Variants in GPNMB observed in about 807,000 individuals in gnomAD.
GPNMB encodes glycoprotein nmb.
Under a neutral mutation model 57.3 loss-of-function variants are expected in GPNMB, and 71 were observed. The observed-to-expected ratio is 1.24, with a 90% CI of 1.02 to 1.51. The LOEUF (loss-of-function observed/expected upper bound fraction) is 1.51. Among genes scored for constraint, GPNMB ranks in the 40% most tolerant of loss-of-function variants. The pLI, the probability that GPNMB is intolerant of heterozygous loss-of-function variation, is 0.00. For missense variants in GPNMB, 677 were observed against 691.9 expected, an observed-to-expected ratio of 0.98 and a Z score of 0.24; for synonymous variants, 253 against 263.2, an observed-to-expected ratio of 0.96 and a Z score of 0.38.
Position 23,253,375 on chromosome 7 carries a change from T to C in GPNMB, c.139T>C (p.Trp47Arg). The C allele has an allele frequency of 6.2e-7, 1 of 1,613,886 alleles. No homozygotes were observed. Among genetic ancestry groups the C allele is most frequent in the Non-Finnish European group, 8.5e-7 (1 of 1,179,736 alleles). The part of the protein sequence containing the change: ...YMREHNQLNG[W>R]SSDENDWNEK... Reference sequence around the variant, plus strand: ...GAGGGAGCACAATCAATTAAATGGCTGGTCTTCTGATGAAAATGACTGGAA... The same window carrying C: ...GAGGGAGCACAATCAATTAAATGGCCGGTCTTCTGATGAAAATGACTGGAA... Residue 47 changes from tryptophan to arginine, a missense_variant, in exon 2 of 11, where the codon TGG becomes CGG. By Grantham distance (101) the Trp-to-Arg change is moderately radical. Coordinates refer to ENST00000258733, the MANE Select transcript of GPNMB (RefSeq NM_002510.3).
At chr7:23,267,858 T>A (rs370089558) in intron 7 of GPNMB, 28 bp from the exon 8 acceptor site, 27 of 1,342,736 alleles carry the variant, frequency 2.0e-5, no homozygotes, top group Non-Finnish European at 2.9e-5. Context: ...TATTTTGATG[T>A]GTTTTTCTCT....
chr7:23,266,031 C>G (rs2128484211), intron 6 of GPNMB: 1 of 156,436 alleles, frequency 6.4e-6, no homozygotes, highest in East Asian at 1.9e-4. Flanking sequence ...TCACTGCAAG[C>G]TCCGCCTCCC....
At chr7:23,246,983 A>T in intron 1 of GPNMB, 56 bp downstream of exon 1, 2 of 1,213,276 alleles carry the variant, frequency 1.6e-6, no homozygotes, top group South Asian at 1.2e-5. Flanking sequence ...GGCTGAAATG[A>T]TGGCTAATAA....
In GPNMB at chr7:23,270,086, A is replaced by G. The variant is rs771327727; in HGVS notation, c.1340A>G (p.Asn447Ser). The change falls in exon 9 of 11, where the codon AAT becomes AGT. Residue 447 changes from asparagine to serine, a missense_variant. Physicochemically the swap from Asn to Ser is conservative, Grantham distance 46 (BLOSUM62 1). Coordinates refer to ENST00000258733, the MANE Select transcript of GPNMB (RefSeq NM_002510.3). ...CTGCTGACTGTGAGACGAACCTTCA[A>G]TGGGTCTGGGACGTACTGTGTGAAC... Reference protein sequence around the residue: ...MCLLTVRRTFNGSGTYCVNLT... With the variant: ...MCLLTVRRTFSGSGTYCVNLT... 9.9e-6 allele frequency: 16 copies of G among 1,613,912 alleles called. No individual in the cohort carries two copies. Among genetic ancestry groups the G allele is most frequent in the Middle Eastern group, 1.6e-4 (1 of 6,084 alleles).
chr7:23,263,571 CATTG>C (rs761575635), intron 6 of GPNMB, among the ~76,000 whole-genome samples: 7 of 147,086 alleles, frequency 4.8e-5, no homozygotes, highest in Non-Finnish European at 8.9e-5. Flanking sequence ...GAGATCGCGC[CATTG>C]CACTCCAGCC....
chr7:23,261,830 G>A (rs1048305300), intron 6 of GPNMB, among the ~76,000 whole-genome samples: 2 of 151,952 alleles, frequency 1.3e-5, no homozygotes, highest in East Asian at 1.9e-4. Flanking sequence ...TGCATTTAAG[G>A]CATGATTAAT....
Position 23,260,116 on chromosome 7 carries a change from G to A in GPNMB, c.678G>A (p.Val226=), listed in dbSNP as rs1248887467. 2 of 1,613,848 alleles carry A rather than the reference G, an allele frequency of 1.2e-6. No individual in the cohort carries two copies. Among genetic ancestry groups the A allele is most frequent in the African/African-American group, 2.7e-5 (2 of 74,912 alleles). The change falls in exon 5 of 11, where the codon GTG becomes GTA. Residue 226 remains valine (V), a synonymous_variant. Transcript: ENST00000258733. ...GGGCATATGTTCCCATCGCACAAGT[G>A]AAAGATGTGTACGTGGTAACAGGTG... is the stretch of plus-strand genomic sequence containing the variant. The part of the protein sequence containing the change: ...HGRAYVPIAQ[V]KDVYVVTDQI...
At chr7:23,274,015 A>G (rs1254441452) in intron 10 of GPNMB, 50 bp from the exon 11 acceptor site, 2 of 1,402,386 alleles carry the variant, frequency 1.4e-6, no homozygotes, top group Non-Finnish European at 9.9e-7. Flanking sequence ...AAAGTTGTAT[A>G]TTTCAACTGA....
intron 9 of GPNMB, among the ~76,000 whole-genome samples, chr7:23,272,377 C>T (rs1020314673): frequency 1.1e-4 from 16 of 152,092 alleles, no homozygotes; most frequent in African/African-American, 3.4e-4. Flanking sequence ...TACCTGTAGT[C>T]CCAGCTACTC....
rs1783270183 is a variant in GPNMB at position 23,273,767 on chromosome 7, C to T, written c.1523+153C>T. 8.3e-6 allele frequency: 5 copies of T among 602,328 alleles called. No individual in the cohort carries two copies. In the South Asian group the frequency reaches 1.0e-4, roughly 13 times the overall value. 37.3% of individuals were successfully genotyped at this position (602,328 alleles called of 1,614,324 possible). A position where few individuals can be genotyped will look rare whatever the true frequency, so the allele number is the denominator to read the frequency against. ...ATTGAATGGTGAATACCAAACTGGC[C>T]TGTTAATCTTGTTGTGGTTTGTTTT... On this transcript the variant is annotated intron_variant, in intron 10 of 10. Coordinates refer to ENST00000258733, the MANE Select transcript of GPNMB (RefSeq NM_002510.3).
At chr7:23,267,435 T>TAAAA (rs1783091871) in intron 7 of GPNMB, among the ~76,000 whole-genome samples, 2 of 152,214 alleles carry the variant, frequency 1.3e-5, no homozygotes, top group East Asian at 3.9e-4. Context: ...TCTGATGTCT[T>TAAAA]AAGAGCTGTA....
rs1369765493 is a variant in GPNMB, at chr7:23,260,773, G to C, written c.1018G>C (p.Gly340Arg). The change falls in exon 6 of 11, where the codon GGA becomes CGA. Residue 340 changes from glycine (G) to arginine (R), a missense_variant and splice_region_variant. Physicochemically the swap from Gly to Arg is moderately radical, Grantham distance 125 (BLOSUM62 -2). Transcript: ENST00000258733. ...PRPSKPTPSL[G>R]PAGDNPLELS... ...ACCTTCAAAACCCACCCCTTCTTTA[G>C]GTAAGGTTTCGCAGTGATCTTTGAG... 6.5e-6 allele frequency: 10 copies of C among 1,530,246 alleles called. No homozygotes were observed. The African/African-American group carries it at 1.4e-4, about 21-fold the overall frequency. 94.8% of individuals were successfully genotyped at this position (1,530,246 alleles called of 1,614,324 possible).
intron 4 of GPNMB, chr7:23,257,423 G>A (rs2128482145): frequency 2.5e-6 from 1 of 392,494 alleles, no homozygotes; most frequent in East Asian, 5.1e-5. Flanking sequence ...TGTAATCCCA[G>A]CACCTTGGAA....
At chr7:23,266,902 A>C (rs1396579670) in intron 7 of GPNMB, among the ~76,000 whole-genome samples, 1 of 152,178 alleles carries the variant, frequency 6.6e-6, no homozygotes, top group Non-Finnish European at 1.5e-5. Flanking sequence ...AGCCATCTGA[A>C]TGGGGTATGT....
chr7:23,258,057 T>C (rs1264540851), intron 4 of GPNMB: 1 of 152,232 alleles, frequency 6.6e-6, no homozygotes, highest in Non-Finnish European at 1.5e-5. Flanking sequence ...TAGCCCATTC[T>C]GTCTTTTTTT....
Position 23,274,173 on chromosome 7 carries a change from C to A in GPNMB, c.1632C>A (p.Asn544Lys), listed in dbSNP as rs748469957. The A allele has an allele frequency of 6.8e-6, 11 of 1,613,856 alleles. No individual in the cohort carries two copies. In the Admixed American group the frequency reaches 1.3e-4, roughly 20 times the overall value. ...NRAKAVFFPGNQEKDPLLKNQ... is the reference protein window; with the variant it reads ...NRAKAVFFPGKQEKDPLLKNQ... ...CAAAAGCCGTGTTCTTCCCGGGAAA[C>A]CAGGAAAAGGATCCGCTACTCAAAA... Residue 544 changes from asparagine to lysine, a missense_variant, in exon 11 of 11, where the codon AAC becomes AAA. Asn to Lys is a moderately conservative substitution (Grantham distance 94). Transcript: ENST00000258733.
intron 9 of GPNMB, 77 bp downstream of exon 9, chr7:23,270,252 C>T (rs1453388371): frequency 5.5e-6 from 5 of 916,674 alleles, no homozygotes; most frequent in Non-Finnish European, 8.5e-6. Context: ...GCTATTTAGG[C>T]CTTTGTTTTC....
At chr7:23,253,511 C>T (rs1562632892) in intron 2 of GPNMB, 52 bp downstream of exon 2, 12 of 1,478,784 alleles carry the variant, frequency 8.1e-6, no homozygotes, top group South Asian at 1.2e-5. Context: ...TTCAGTAAGT[C>T]TTGTAGATGG....
intron 7 of GPNMB, among the ~76,000 whole-genome samples, chr7:23,266,914 G>A (rs1262538222): frequency 6.6e-6 from 1 of 152,212 alleles, no homozygotes; most frequent in Admixed American, 6.5e-5. Context: ...GGGGTATGTA[G>A]GGTAAAGGAA....
Sources: gnomAD v4.1 joint callset for allele counts (sites outside exome capture counted in the v4.1 genomes callset) on GRCh38, gnomAD v4.1.1 for gene constraint, MANE v1.5 for transcripts, NCBI Gene and HGNC (gene_info 2026-07-23, HGNC 2026-07-21) for gene names.